SYNE1: variants seen among roughly 807,000 people sequenced by gnomAD.
SYNE1 encodes spectrin repeat containing nuclear envelope protein 1.
Under a neutral mutation model 1,111.0 loss-of-function variants are expected in SYNE1, and 616 were observed. The observed-to-expected ratio is 0.55, with a 90% CI of 0.52 to 0.59. The LOEUF is 0.59. Ranked by LOEUF, SYNE1 falls within the 20% of genes least tolerant of loss-of-function variation. The probability of loss-of-function intolerance (pLI) is 0.00; values close to 1 mark genes in which losing one functional copy is unlikely to be tolerated. For synonymous variants in SYNE1, 3,855 were observed against 3,825.8 expected (o/e 1.01, Z -0.28); for missense variants, 10,006 against 10,417.0 (o/e 0.96, Z 1.72).
intron 38 of SYNE1, 152 bp downstream of exon 38, chr6:152,427,541 T>C: frequency 1.1e-6 from 1 of 928,544 alleles, no homozygotes; most frequent in East Asian, 2.6e-5. Flanking sequence ...GCTTTCTTCT[T>C]TTTGGAACAC....
chr6:152,233,633 C>A (rs1409271098), intron 112 of SYNE1, 148 bp downstream of exon 112: 24 of 1,036,004 alleles, frequency 2.3e-5, no homozygotes, highest in Non-Finnish European at 3.3e-5. Context: ...CCAGAGTTCA[C>A]TCTTAATATT....
intron 88 of SYNE1, 81 bp from the exon 89 acceptor site, chr6:152,310,599 C>A (rs1589783712): frequency 6.2e-7 from 1 of 1,610,848 alleles, no homozygotes; most frequent in South Asian, 1.1e-5. Flanking sequence ...GAAACCACAT[C>A]ACAGGTGAGC....
intron 127 of SYNE1, among the ~76,000 whole-genome samples, chr6:152,192,315 G>GCTGTTTATTTTCTGTT (rs57981445): frequency 6.6e-6 from 1 of 151,598 alleles, no homozygotes; most frequent in Admixed American, 6.6e-5. Flanking sequence ...TTTCTGTCTG[G>GCTGTTTATTTTCTGTT]ATGATCTCTC....
chr6:152,436,038 C>A lies in SYNE1; in HGVS notation c.4213G>T (p.Glu1405Ter). 6.2e-7 allele frequency: 1 copy of A among 1,614,122 alleles called. No individual in the cohort carries two copies. The highest frequency in any genetic ancestry group is 8.5e-7 in the Non-Finnish European group (1 of 1,180,010). The change falls in exon 33 of 146, where the codon GAG becomes TAG. Residue 1405 changes from glutamate to a stop codon, truncating the protein, a stop_gained. Coordinates refer to ENST00000367255, the MANE Select transcript of SYNE1 (RefSeq NM_182961.4). LOFTEE classifies it high-confidence loss of function. ...QAENLVKEAS[E>*]IPLGPQNKQL... ...TTATTTTGGGGCCCAAGCGGTATCT[C>A]TGAAGCTTCCTTTACAAGGTTCTCA...
chr6:152,220,928 C>T lies in SYNE1; in HGVS notation c.21775G>A (p.Glu7259Lys). 6.2e-7 allele frequency: 1 copy of T among 1,614,156 alleles called. No homozygotes were observed. Among genetic ancestry groups the T allele is most frequent in the Non-Finnish European group, 8.5e-7 (1 of 1,179,994 alleles). The change falls in exon 119 of 146, where the codon GAG becomes AAG. Residue 7259 changes from glutamate to lysine, a missense_variant. This residue lies in a region of SYNE1 where 2,182 missense variants were observed against 2,287.8 expected (regional missense o/e 0.95). Coordinates refer to ENST00000367255, the MANE Select transcript of SYNE1 (RefSeq NM_182961.4). ...KQCASTVQQQ[E>K]DRTNELLKAA... ...TTCAACAGCTCATTGGTTCGATCCT[C>T]CTGCTGCTGAACTGTCGAAGCACAC...
intron 3 of SYNE1, among the ~76,000 whole-genome samples, chr6:152,554,712 A>G (rs2099359220): frequency 6.6e-6 from 1 of 151,988 alleles, no homozygotes; most frequent in South Asian, 2.1e-4. Flanking sequence ...CTCCCCTCTG[A>G]CCTCCATATC....
intron 129 of SYNE1, among the ~76,000 whole-genome samples, chr6:152,178,899 A>G (rs2067149533): frequency 6.6e-6 from 1 of 150,418 alleles, no homozygotes; most frequent in Non-Finnish European, 1.5e-5. Flanking sequence ...CAACACTGAA[A>G]TCACCCAATT....
At chr6:152,543,209 A>T (rs1277358570) in intron 3 of SYNE1, among the ~76,000 whole-genome samples, 1 of 152,092 alleles carries the variant, frequency 6.6e-6, no homozygotes, top group Non-Finnish European at 1.5e-5. Context: ...TTTTTGTAGC[A>T]CAGCATATAT....
At chr6:152,151,298 G>C (rs1311270355) in intron 135 of SYNE1, among the ~76,000 whole-genome samples, 1 of 150,878 alleles carries the variant, frequency 6.6e-6, no homozygotes, top group Non-Finnish European at 1.5e-5. Flanking sequence ...AATCAATCAA[G>C]CTGTTGAAAA....
At chr6:152,616,218 T>C (rs892865181) in intron 3 of SYNE1, among the ~76,000 whole-genome samples, 19 of 152,086 alleles carry the variant, frequency 1.2e-4, no homozygotes, top group African/African-American at 4.3e-4. Flanking sequence ...TTGTAAGTGA[T>C]GGGTGGGCTC....
chr6:152,451,285 A>G, intron 25 of SYNE1, 80 bp from the exon 26 acceptor site: 1 of 1,479,020 alleles, frequency 6.8e-7, no homozygotes, highest in Non-Finnish European at 9.3e-7. Flanking sequence ...GCAAAAAAAA[A>G]AACAAAAACC....
At chr6:152,414,691 G>T (rs1201260449) in intron 41 of SYNE1, among the ~76,000 whole-genome samples, 2 of 152,172 alleles carry the variant, frequency 1.3e-5, no homozygotes, top group Non-Finnish European at 2.9e-5. Context: ...GGTGAGTGCA[G>T]TGTTGTGGGT....
chr6:152,363,699 T>C, intron 63 of SYNE1: 1 of 454,354 alleles, frequency 2.2e-6, no homozygotes, highest in Non-Finnish European at 4.4e-6. Context: ...CTCCTAGATC[T>C]CTTAGCTTGA....
At chr6:152,309,682 C>T (rs1219168812) in intron 90 of SYNE1, 153 bp downstream of exon 90, 2 of 943,754 alleles carry the variant, frequency 2.1e-6, no homozygotes, top group African/African-American at 3.3e-5. Flanking sequence ...ATCCAAATGA[C>T]AGCATTTTAA....
chr6:152,562,922 C>A (rs1017328185), intron 3 of SYNE1, among the ~76,000 whole-genome samples: 43 of 152,120 alleles, frequency 2.8e-4, no homozygotes, highest in Admixed American at 2.4e-3. Context: ...CATTTCACTT[C>A]CACTAGTTTT....
Position 152,213,727 on chromosome 6 carries a change from G to T in SYNE1, c.22379C>A (p.Thr7460Asn). Residue 7460 changes from threonine (T) to asparagine (N), a missense_variant, in exon 123 of 146, where the codon ACT becomes AAT. By Grantham distance (65) the Thr-to-Asn change is moderately conservative. This residue lies in a region of SYNE1 where 2,182 missense variants were observed against 2,287.8 expected (regional missense o/e 0.95). Transcript: ENST00000367255. ...KLQSFLLQHQ[T>N]FLEKCETWME... is the part of the protein sequence containing the mutation. Reference sequence around the variant, plus strand: ...CCATGTTTCACATTTTTCCAAGAAAGTCTGATGTTGTAGCAAAAATGACTG... The same window carrying T: ...CCATGTTTCACATTTTTCCAAGAAATTCTGATGTTGTAGCAAAAATGACTG... 6.2e-7 allele frequency: 1 copy of T among 1,614,064 alleles called. No individual in the cohort carries two copies. Among genetic ancestry groups the T allele is most frequent in the Non-Finnish European group, 8.5e-7 (1 of 1,179,998 alleles).
chr6:152,253,021 G>A (rs149839970), intron 104 of SYNE1, among the ~76,000 whole-genome samples: 33 of 151,932 alleles, frequency 2.2e-4, no homozygotes, highest in African/African-American at 6.3e-4. Context: ...TGAGGCACTC[G>A]GGGATTCTGA....
chr6:152,401,098 C>T, intron 47 of SYNE1, 40 bp downstream of exon 47: 1 of 1,589,740 alleles, frequency 6.3e-7, no homozygotes, highest in Non-Finnish European at 8.6e-7. Context: ...ACTACAATCA[C>T]CATTTGAATG....
chr6:152,441,298 G>C (rs757203094), intron 31 of SYNE1, 28 bp from the exon 32 acceptor site: 1 of 1,591,468 alleles, frequency 6.3e-7, no homozygotes, highest in South Asian at 1.1e-5. Flanking sequence ...AACAACAAAT[G>C]GGTTACAAAT....
Sources: gnomAD v4.1 joint callset for allele counts (sites outside exome capture counted in the v4.1 genomes callset) on GRCh38, gnomAD v4.1.1 for gene constraint, gnomAD v4.1.1 regional missense constraint, MANE v1.5 for transcripts, NCBI Gene and HGNC (gene_info 2026-07-23, HGNC 2026-07-21) for gene names.